Variants in KANK1 observed in about 807,000 individuals in gnomAD.
KANK1 encodes the protein KN motif and ankyrin repeat domains 1.
In KANK1, 109 loss-of-function variants were observed where a neutral mutation model predicts 106.2. That is an observed-to-expected ratio of 1.03 (90% confidence interval 0.88 to 1.20). KANK1 has a LOEUF of 1.20. Ranked by LOEUF, KANK1 falls within the 50% of genes most tolerant of loss-of-function variation. The probability of loss-of-function intolerance (pLI) is 0.00; values close to 1 mark genes in which losing one functional copy is unlikely to be tolerated. For synonymous variants in KANK1, 873 were observed against 652.2 expected (o/e 1.34, Z -5.16); for missense variants, 2,399 against 1,710.7 (o/e 1.40, Z -7.10).
chr9:679,599 G>C (rs904651015), intron 2 of KANK1, among the ~76,000 whole-genome samples: 1 of 152,092 alleles, frequency 6.6e-6, no homozygotes, highest in Non-Finnish European at 1.5e-5. Context: ...ATTTTTAGTA[G>C]AGATGAGGTT....
At chr9:505,193 C>T (rs1049415157) in intron 1 of KANK1, among the ~76,000 whole-genome samples, 5 of 152,228 alleles carry the variant, frequency 3.3e-5, no homozygotes, top group South Asian at 2.1e-4. Context: ...GAACGGGGGA[C>T]CCTCTCTGAA....
At chr9:588,652 C>T (rs1049678054) in intron 1 of KANK1, among the ~76,000 whole-genome samples, 1 of 152,062 alleles carries the variant, frequency 6.6e-6, no homozygotes, top group Non-Finnish European at 1.5e-5. Context: ...TATCTCTTGC[C>T]TCTAATGCTG....
intron 1 of KANK1, among the ~76,000 whole-genome samples, chr9:667,266 G>T (rs1186621592): frequency 1.3e-5 from 2 of 151,630 alleles, no homozygotes; most frequent in Non-Finnish European, 2.9e-5. Context: ...TATGGTCTCT[G>T]TTGTTTTGTA....
At chr9:526,215 A>G (rs1293609179) in intron 1 of KANK1, among the ~76,000 whole-genome samples, 1 of 151,826 alleles carries the variant, frequency 6.6e-6, no homozygotes, top group Non-Finnish European at 1.5e-5. Context: ...GCTGTCTCTC[A>G]GGCATTTCTC....
intron 2 of KANK1, among the ~76,000 whole-genome samples, chr9:697,736 T>C (rs1821667347): frequency 6.6e-6 from 1 of 152,222 alleles, no homozygotes; most frequent in Admixed American, 6.5e-5. Flanking sequence ...AACTTGTTAC[T>C]ATCATTAATC....
chr9:538,037 C>CT lies in KANK1; in HGVS notation c.-84+33293dup, dbSNP rs144509934. Among the ~76,000 whole-genome samples, 353 of 149,460 alleles carry CT rather than the reference C, an allele frequency of 2.4e-3. 1 individual carries two copies. Among genetic ancestry groups the CT allele is most frequent in the African/African-American group, 7.3e-3 (299 of 40,858 alleles). ...CCTCTCTCTTGTTAAGCTATTCATC[C>CT]TTTTTTTTTTCTGTCTTGGAGCAGA... On this transcript the variant is annotated intron_variant, in intron 1 of 11. Coordinates refer to ENST00000382297, the MANE Select transcript of KANK1 (RefSeq NM_015158.5).
chr9:559,905 GT>G (rs1448030947), intron 1 of KANK1, among the ~76,000 whole-genome samples: 1 of 152,094 alleles, frequency 6.6e-6, no homozygotes, highest in African/African-American at 2.4e-5. Context: ...GTGCTTCCCT[GT>G]TTCTGGAACT....
chr9:699,243 A>G (rs2130067295), intron 2 of KANK1, among the ~76,000 whole-genome samples: 1 of 152,288 alleles, frequency 6.6e-6, no homozygotes, highest in East Asian at 1.9e-4. Context: ...TATTTATGTG[A>G]TCACTTGTCT....
At chr9:743,434 G>C (rs1242844768) in intron 10 of KANK1, among the ~76,000 whole-genome samples, 2 of 152,244 alleles carry the variant, frequency 1.3e-5, no homozygotes, top group Admixed American at 1.3e-4. Context: ...TTCCAGAAGA[G>C]TTTGTTAGCT....
Position 733,870 on chromosome 9 carries a change from T to C in KANK1, c.3246-878T>C, listed in dbSNP as rs187732831. 4 of 152,308 alleles carry C rather than the reference T, an allele frequency of 2.6e-5. No homozygotes were observed. The East Asian group carries it at 7.7e-4, about 29-fold the overall frequency. 9.4% of individuals were successfully genotyped at this position (152,308 alleles called of 1,614,324 possible). A position where few individuals can be genotyped will look rare whatever the true frequency, so the allele number is the denominator to read the frequency against. ...GCTCACACCCATAATGCCAATACTT[T>C]GGGAGGCTGAGGCAGGCAGGCAGAT... On this transcript the variant is annotated intron_variant, in intron 6 of 11. Transcript: ENST00000382297.
At chr9:516,506 C>T (rs958839982) in intron 1 of KANK1, among the ~76,000 whole-genome samples, 2 of 151,478 alleles carry the variant, frequency 1.3e-5, no homozygotes, top group African/African-American at 2.4e-5. Context: ...ATCATGTGAA[C>T]TTAGTGATGT....
At chr9:497,407 T>C (rs530798473) in intron 3 of KANK1, among the ~76,000 whole-genome samples, 21 of 150,598 alleles carry the variant, frequency 1.4e-4, no homozygotes, top group African/African-American at 4.7e-4. Flanking sequence ...GACTCATTGG[T>C]GCTCAGGTAT....
intron 2 of KANK1, among the ~76,000 whole-genome samples, chr9:696,224 C>G (rs1233952500): frequency 6.6e-6 from 1 of 150,716 alleles, no homozygotes; most frequent in Non-Finnish European, 1.5e-5. Context: ...GCGGAGTTTG[C>G]AGGGAGCCGA....
intron 1 of KANK1, among the ~76,000 whole-genome samples, chr9:595,444 C>T (rs1215665420): frequency 6.6e-6 from 1 of 151,902 alleles, no homozygotes; most frequent in Non-Finnish European, 1.5e-5. Flanking sequence ...AGAACAAGAA[C>T]CCGAGGAAAA....
At chr9:721,912 C>G (rs997110920) in intron 3 of KANK1, among the ~76,000 whole-genome samples, 3 of 152,256 alleles carry the variant, frequency 2.0e-5, no homozygotes, top group Non-Finnish European at 4.4e-5. Flanking sequence ...CAACAATGTT[C>G]CATAAGCAAG....
At chr9:622,658 C>T (rs978266701) in intron 1 of KANK1, among the ~76,000 whole-genome samples, 1 of 152,042 alleles carries the variant, frequency 6.6e-6, no homozygotes, top group Non-Finnish European at 1.5e-5. Context: ...AATCCCAGCA[C>T]TTTGGGAGGC....
At chr9:526,950 A>T (rs184597363) in intron 1 of KANK1, among the ~76,000 whole-genome samples, 11 of 151,922 alleles carry the variant, frequency 7.2e-5, no homozygotes, top group Admixed American at 7.2e-4. Context: ...TTGTTTGATT[A>T]ATATATAATG....
At chr9:680,201 A>C (rs1424081026) in intron 2 of KANK1, among the ~76,000 whole-genome samples, 1 of 152,198 alleles carries the variant, frequency 6.6e-6, no homozygotes, top group African/African-American at 2.4e-5. Flanking sequence ...GGGCAGTGGC[A>C]AAAGAAGCAC....
intron 1 of KANK1, among the ~76,000 whole-genome samples, chr9:619,361 A>G (rs1178939454): frequency 3.9e-5 from 6 of 152,342 alleles, no homozygotes. Context: ...AAATTAGGGC[A>G]GCAGCATCAG....
Sources: gnomAD v4.1 joint callset for allele counts (sites outside exome capture counted in the v4.1 genomes callset) on GRCh38, gnomAD v4.1.1 for gene constraint, MANE v1.5 for transcripts, NCBI Gene and HGNC (gene_info 2026-07-23, HGNC 2026-07-21) for gene names.